The following GPC4 variants were observed in gnomAD, a reference collection of about 807,000 sequenced individuals.
GPC4 encodes glypican 4, also known as glypican-4.
Under a neutral mutation model 35.0 loss-of-function variants are expected in GPC4, and 10 were observed. The ratio of observed to expected loss-of-function variants is 0.29; its 90% confidence interval spans 0.18 to 0.48. GPC4 has a LOEUF of 0.48. Ranked by LOEUF, GPC4 falls within the 20% of genes least tolerant of loss-of-function variation. The pLI, the probability that GPC4 is intolerant of heterozygous loss-of-function variation, is 0.99. For synonymous variants in GPC4, 167 were observed against 170.2 expected, an observed-to-expected ratio of 0.98 and a Z score of 0.15; for missense variants, 322 against 451.3, an observed-to-expected ratio of 0.71 and a Z score of 2.60.
intron 1 of GPC4, among the ~76,000 whole-genome samples, chrX:133,409,320 TAAAAAAAAAAAAAAAA>T (rs36008423): frequency 1.8e-3 from 57 of 31,795 alleles, no homozygotes; most frequent in Admixed American, 5.8e-3. Flanking sequence ...GACCCTGCCT[TAAAAAAAAAAAAAAAA>T]AAAAAAAAAA....
At chrX:133,369,240 T>C (rs189253309) in intron 1 of GPC4, among the ~76,000 whole-genome samples, 1 of 111,898 alleles carries the variant, frequency 8.9e-6, no homozygotes, top group Admixed American at 9.5e-5. Flanking sequence ...TAAAAACTAG[T>C]ATATCAGTTA....
At chrX:133,357,438 A>G (rs1422542450) in intron 1 of GPC4, among the ~76,000 whole-genome samples, 1 of 107,602 alleles carries the variant, frequency 9.3e-6, no homozygotes, top group Non-Finnish European at 1.9e-5. Context: ...CCCACGCTGG[A>G]GTGCAGTGGC....
intron 1 of GPC4, among the ~76,000 whole-genome samples, chrX:133,382,954 G>A (rs2068669995): frequency 8.9e-6 from 1 of 112,298 alleles, no homozygotes; most frequent in Non-Finnish European, 1.9e-5. Context: ...TTGTTGGTGG[G>A]AATGTAACAT....
intron 1 of GPC4, among the ~76,000 whole-genome samples, chrX:133,354,814 C>T (rs971504548): frequency 2.8e-5 from 3 of 107,907 alleles, no homozygotes; most frequent in Non-Finnish European, 5.7e-5. Flanking sequence ...ATGATCCACC[C>T]GCCTCAGCCT....
intron 1 of GPC4, among the ~76,000 whole-genome samples, chrX:133,372,501 G>A (rs1264161251): frequency 9.0e-6 from 1 of 110,760 alleles, no homozygotes; most frequent in Non-Finnish European, 1.9e-5. Context: ...CATCTGCCTT[G>A]ATAGTTGAAA....
intron 1 of GPC4, among the ~76,000 whole-genome samples, chrX:133,363,378 G>A (rs1397471205): frequency 9.1e-6 from 1 of 110,154 alleles, no homozygotes; most frequent in South Asian, 3.9e-4. Flanking sequence ...TTTTTCTCTT[G>A]TCCTTCCCCA....
At chrX:133,321,430 C>G (rs1338156914) in intron 3 of GPC4, among the ~76,000 whole-genome samples, 1 of 112,272 alleles carries the variant, frequency 8.9e-6, no homozygotes, top group Non-Finnish European at 1.9e-5. Flanking sequence ...CTGTCTGGCC[C>G]TTTTTCTCCA....
At chrX:133,311,647 C>A in intron 3 of GPC4, 3 of 438,827 alleles carry the variant, frequency 6.8e-6, no homozygotes, top group Non-Finnish European at 1.2e-5. Flanking sequence ...CAAGGTGCAC[C>A]AACTCCCACC....
intron 1 of GPC4, among the ~76,000 whole-genome samples, chrX:133,354,694 G>C (rs927544882): frequency 9.5e-6 from 1 of 105,701 alleles, no homozygotes; most frequent in Admixed American, 1.0e-4. Context: ...TCAGCCTCCC[G>C]AGTAGCTGGG....
chrX:133,339,501 C>T (rs2068457533), intron 1 of GPC4, among the ~76,000 whole-genome samples, 160 bp from the exon 2 acceptor site: 1 of 111,856 alleles, frequency 8.9e-6, no homozygotes, highest in Admixed American at 9.5e-5. Flanking sequence ...TATTCATTCC[C>T]TTTTTGAGAA....
chrX:133,352,698 G>A (rs969926971), intron 1 of GPC4, among the ~76,000 whole-genome samples: 1 of 111,215 alleles, frequency 9.0e-6, no homozygotes, highest in African/African-American at 3.3e-5. Context: ...GCCCTCAAGT[G>A]ACTGATATAT....
At chrX:133,307,137 G>C (rs764746886) in intron 4 of GPC4, among the ~76,000 whole-genome samples, 72 of 111,981 alleles carry the variant, frequency 6.4e-4, no homozygotes, top group Admixed American at 2.9e-3. Flanking sequence ...CTAGTGCTTA[G>C]TGCATGGCAA....
chrX:133,393,261 G>A (rs746312578), intron 1 of GPC4, among the ~76,000 whole-genome samples: 239 of 110,852 alleles, frequency 2.2e-3, no homozygotes, highest in African/African-American at 6.5e-3. Flanking sequence ...TTAAAAGTGA[G>A]ACACACAGAC....
chrX:133,375,285 T>C (rs777010059), intron 1 of GPC4, among the ~76,000 whole-genome samples: 4 of 111,353 alleles, frequency 3.6e-5, no homozygotes, highest in South Asian at 7.7e-4. Flanking sequence ...CAGTTCAGAG[T>C]TAAGTCCTCC....
intron 1 of GPC4, among the ~76,000 whole-genome samples, chrX:133,346,198 C>T (rs919349182): frequency 4.5e-5 from 5 of 111,320 alleles, no homozygotes; most frequent in Non-Finnish European, 3.8e-5. Context: ...GAAGGCGGGG[C>T]GGGGCATGGT....
intron 1 of GPC4, among the ~76,000 whole-genome samples, chrX:133,357,777 C>T (rs1329270574): frequency 9.0e-6 from 1 of 111,319 alleles, no homozygotes; most frequent in African/African-American, 3.3e-5. Context: ...AAGAGCAGAA[C>T]CTACCTCAGA....
intron 1 of GPC4, among the ~76,000 whole-genome samples, chrX:133,358,837 T>C: frequency 9.0e-6 from 1 of 111,491 alleles, no homozygotes; most frequent in East Asian, 2.8e-4. Context: ...TACTCAGCTT[T>C]AGATTGGTAC....
intron 2 of GPC4, among the ~76,000 whole-genome samples, chrX:133,327,322 G>A (rs1262233626): frequency 9.0e-6 from 1 of 111,548 alleles, no homozygotes; most frequent in Non-Finnish European, 1.9e-5. Context: ...GAGGTGCGGT[G>A]TGACATTTCA....
At chrX:133,402,722 G>A (rs902702496) in intron 1 of GPC4, among the ~76,000 whole-genome samples, 8 of 110,570 alleles carry the variant, frequency 7.2e-5, no homozygotes, top group South Asian at 3.9e-4. Context: ...TGGCTAACAC[G>A]GTGAAACCCG....
Sources: allele counts gnomAD v4.1 joint callset (sites outside exome capture counted in the v4.1 genomes callset), GRCh38; gene constraint gnomAD v4.1.1; transcripts MANE v1.5; gene names NCBI Gene and HGNC (gene_info 2026-07-23, HGNC 2026-07-21).